The following LPP variants were observed in gnomAD, a reference collection of about 807,000 sequenced individuals.
LPP encodes the protein LIM domain containing preferred translocation partner in lipoma.
In LPP, 38 loss-of-function variants were observed where a neutral mutation model predicts 60.4. The ratio of observed to expected loss-of-function variants is 0.63; its 90% CI spans 0.49 to 0.83. LPP has a LOEUF of 0.83. LPP is among the 40% of genes least tolerant of loss of function. The probability of loss-of-function intolerance (pLI) is 0.00; values close to 1 mark genes in which losing one functional copy is unlikely to be tolerated. For synonymous variants in LPP, 328 were observed against 290.8 expected (o/e 1.13, Z -1.30); for missense variants, 902 against 783.6 (o/e 1.15, Z -1.80).
intron 9 of LPP, among the ~76,000 whole-genome samples, chr3:188,819,305 CTCCT>C (rs759907216): frequency 1.3e-5 from 2 of 151,938 alleles, no homozygotes; most frequent in Non-Finnish European, 1.5e-5. Context: ...CTTTCTCCCC[CTCCT>C]TCCTTCCTTC....
At position 188,370,434 on chromosome 3, in the gene LPP, G is replaced by A. The variant is rs568866867; in HGVS notation, c.-10+28715G>A. ...CTAGCAATCCCAGGTGTGTTATGTT[G>A]TCAGCATCCTCATCTAATCAACATG... is the stretch of plus-strand genomic sequence containing the variant. On this transcript the variant is annotated intron_variant, in intron 3 of 11. Coordinates refer to ENST00000617246, the MANE Select transcript of LPP (RefSeq NM_001375462.1). 9.4e-4 allele frequency among the ~76,000 whole-genome samples: 143 copies of A among 152,100 alleles called. 1 individual carries two copies. Among genetic ancestry groups the A allele is most frequent in the Admixed American group, 3.0e-3 (46 of 15,282 alleles).
At chr3:188,432,182 C>T (rs951873986) in intron 4 of LPP, among the ~76,000 whole-genome samples, 3 of 152,118 alleles carry the variant, frequency 2.0e-5, no homozygotes, top group African/African-American at 4.8e-5. Flanking sequence ...CCCAAGGCAT[C>T]ATGACTTACA....
chr3:188,748,756 T>G (rs1476824835), intron 8 of LPP, among the ~76,000 whole-genome samples: 3 of 152,112 alleles, frequency 2.0e-5, no homozygotes, highest in African/African-American at 7.2e-5. Context: ...GCACTCCAGC[T>G]TGGGCAACAA....
At chr3:188,549,047 A>G (rs1428066656) in intron 6 of LPP, among the ~76,000 whole-genome samples, 1 of 152,224 alleles carries the variant, frequency 6.6e-6, no homozygotes, top group African/African-American at 2.4e-5. Context: ...GAAATGATAA[A>G]TATTTGAGAT....
intron 9 of LPP, among the ~76,000 whole-genome samples, chr3:188,848,980 A>C (rs1762131080): frequency 6.6e-6 from 1 of 150,672 alleles, no homozygotes; most frequent in African/African-American, 2.4e-5. Flanking sequence ...AAAAAAAAAG[A>C]AAATAGGTTC....
chr3:188,463,195 G>T (rs1038088788), intron 4 of LPP, among the ~76,000 whole-genome samples: 2 of 152,078 alleles, frequency 1.3e-5, no homozygotes, highest in East Asian at 3.9e-4. Context: ...GGGTGTATGT[G>T]TATGTGTGTT....
chr3:188,679,958 A>T, intron 7 of LPP, among the ~76,000 whole-genome samples: 1 of 152,006 alleles, frequency 6.6e-6, no homozygotes, highest in Non-Finnish European at 1.5e-5. Context: ...TACCTTCTAA[A>T]GTTCATTGGT....
intron 6 of LPP, among the ~76,000 whole-genome samples, chr3:188,604,699 C>A (rs1031776758): frequency 6.6e-6 from 1 of 152,026 alleles, no homozygotes; most frequent in Non-Finnish European, 1.5e-5. Context: ...GGGATATTAA[C>A]CTTCATTCAT....
intron 9 of LPP, among the ~76,000 whole-genome samples, chr3:188,834,324 G>GTTTTTTTTTTTTTTTTTTTTTTTTTTTT (rs71867135): frequency 2.9e-4 from 10 of 34,074 alleles, no homozygotes; most frequent in Admixed American, 8.9e-4. Flanking sequence ...CTTTTTGGGT[G>GTTTTTTTTTTTTTTTTTTTTTTTTTTTT]TTTTTTTTTT....
intron 6 of LPP, among the ~76,000 whole-genome samples, chr3:188,542,500 T>A (rs1825477847): frequency 6.6e-6 from 1 of 152,192 alleles, no homozygotes; most frequent in South Asian, 2.1e-4. Flanking sequence ...CTGTGATTAT[T>A]TTTTCTTTTC....
chr3:188,434,268 T>G (rs1387538446), intron 4 of LPP, among the ~76,000 whole-genome samples: 1 of 152,186 alleles, frequency 6.6e-6, no homozygotes, highest in Non-Finnish European at 1.5e-5. Context: ...TAATATATAT[T>G]GTCAATGTAA....
intron 2 of LPP, among the ~76,000 whole-genome samples, chr3:188,228,439 G>A (rs1196577197): frequency 6.6e-6 from 1 of 152,136 alleles, no homozygotes; most frequent in Non-Finnish European, 1.5e-5. Context: ...GGGAGTATAG[G>A]AATTGTAGCA....
At chr3:188,706,882 A>T (rs1371576401) in intron 7 of LPP, among the ~76,000 whole-genome samples, 2 of 152,208 alleles carry the variant, frequency 1.3e-5, no homozygotes, top group Admixed American at 1.3e-4. Context: ...CATCATCATC[A>T]GTTCTAAATT....
intron 1 of LPP, among the ~76,000 whole-genome samples, chr3:188,185,497 T>C (rs572739535): frequency 6.6e-6 from 1 of 152,184 alleles, no homozygotes; most frequent in Non-Finnish European, 1.5e-5. Flanking sequence ...ATAACTCTCT[T>C]TTCCCCCTAT....
At chr3:188,303,862 G>A (rs1337460342) in intron 2 of LPP, among the ~76,000 whole-genome samples, 3 of 152,158 alleles carry the variant, frequency 2.0e-5, no homozygotes, top group African/African-American at 7.2e-5. Flanking sequence ...TATGGCTTTG[G>A]AAAGTTATAC....
chr3:188,342,124 A>G (rs1763219441), intron 3 of LPP, among the ~76,000 whole-genome samples: 1 of 152,170 alleles, frequency 6.6e-6, no homozygotes, highest in African/African-American at 2.4e-5. Context: ...TGACTACACT[A>G]TACTGCCAGT....
At chr3:188,342,837 G>T in intron 3 of LPP, among the ~76,000 whole-genome samples, 1 of 151,984 alleles carries the variant, frequency 6.6e-6, no homozygotes, top group East Asian at 1.9e-4. Flanking sequence ...GACAAGGTAG[G>T]TTATGTATGG....
intron 6 of LPP, chr3:188,568,250 C>T (rs777401199): frequency 2.6e-5 from 4 of 151,846 alleles, no homozygotes; most frequent in South Asian, 2.1e-4. Context: ...TCAGGCTCCA[C>T]GATAGGGATG....
chr3:188,355,367 A>G (rs1247635548), intron 3 of LPP, among the ~76,000 whole-genome samples: 1 of 152,152 alleles, frequency 6.6e-6, no homozygotes, highest in Non-Finnish European at 1.5e-5. Flanking sequence ...AGGTGTAGTA[A>G]GGTAAAACGC....
Sources: gnomAD v4.1 joint callset for allele counts (sites outside exome capture counted in the v4.1 genomes callset) on GRCh38, gnomAD v4.1.1 for gene constraint, MANE v1.5 for transcripts, NCBI Gene and HGNC (gene_info 2026-07-23, HGNC 2026-07-21) for gene names.